The following ABCC8 variants were observed in gnomAD, a reference collection of about 807,000 sequenced individuals.
ABCC8 encodes the protein ATP binding cassette subfamily C member 8.
A neutral mutation model predicts 188.0 loss-of-function variants in ABCC8; 137 were observed. The ratio of observed to expected loss-of-function variants is 0.73; its 90% confidence interval spans 0.63 to 0.84. The LOEUF is 0.84. Ranked by LOEUF, ABCC8 falls within the 40% of genes least tolerant of loss-of-function variation. ABCC8 has a pLI of 0.00. For synonymous variants in ABCC8, 797 were observed against 846.5 expected (o/e 0.94, Z 1.01); for missense variants, 1,750 against 2,072.7 (o/e 0.84, Z 3.02).
At chr11:17,398,613 T>G in intron 29 of ABCC8, 172 bp from the exon 30 acceptor site, 1 of 1,326,314 alleles carries the variant, frequency 7.5e-7, no homozygotes, top group South Asian at 1.3e-5. Context: ...TCCTTTCTGC[T>G]TATTCAAACC....
intron 12 of ABCC8, 40 bp downstream of exon 12, chr11:17,430,774 A>T: frequency 6.2e-7 from 1 of 1,600,820 alleles, no homozygotes; most frequent in Non-Finnish European, 8.6e-7. Context: ...CTGACACAGG[A>T]CCTGCCTGCC....
chr11:17,454,664 C>T (rs756312440), intron 6 of ABCC8, among the ~76,000 whole-genome samples: 1 of 152,112 alleles, frequency 6.6e-6, no homozygotes, highest in East Asian at 1.9e-4. Flanking sequence ...AAACTCTATC[C>T]TCACAATACC....
At chr11:17,461,381 C>A in intron 5 of ABCC8, 1 of 674,228 alleles carries the variant, frequency 1.5e-6, no homozygotes, top group Non-Finnish European at 2.6e-6. Flanking sequence ...AAGGGCCATT[C>A]CAACTGTGCC....
At chr11:17,394,225 C>G (rs1564871556) in intron 37 of ABCC8, 41 bp downstream of exon 37, 1 of 1,606,586 alleles carries the variant, frequency 6.2e-7, no homozygotes, top group East Asian at 2.2e-5. Context: ...CCACTAAACC[C>G]TTTCCAAGAC....
In ABCC8 at chr11:17,394,326, G is replaced by C; in HGVS notation, c.4485C>G (p.Phe1495Leu). 1.9e-6 allele frequency: 3 copies of C among 1,614,042 alleles called. No individual in the cohort carries two copies. The highest frequency in any genetic ancestry group is 2.5e-6 in the Non-Finnish European group (3 of 1,180,042). The change falls in exon 37 of 39, where the codon TTC becomes TTG. Residue 1495 changes from phenylalanine (F) to leucine (L), a missense_variant. Transcript: ENST00000389817. ...QRQLFCLARA[F>L]VRKTSIFIMD... is the part of the protein sequence containing the mutation. ...TGATGAAGATGCTGGTCTTCCTCAC[G>C]AAGGCCCGGGCCAGGCAGAACAGCT...
chr11:17,399,716 G>A (rs551613685), intron 29 of ABCC8, among the ~76,000 whole-genome samples: 1 of 152,288 alleles, frequency 6.6e-6, no homozygotes, highest in Non-Finnish European at 1.5e-5. Context: ...CCATGAAGAT[G>A]TTTTATTCAC....
rs552031113 is a variant in ABCC8 at position 17,463,286 on chromosome 11, G to A, written c.579+152C>T. 1.5e-3 allele frequency: 1,005 copies of A among 674,178 alleles called. 3 individuals are homozygous for A. Among genetic ancestry groups the A allele is most frequent in the Middle Eastern group, 3.7e-3 (9 of 2,416 alleles). 41.8% of individuals were successfully genotyped at this position (674,178 alleles called of 1,614,324 possible). ...ATGCAGTGTCTATCCTGAAATTTCC[G>A]CCACGGCCCCACTCCCCTTTACACG... is the stretch of plus-strand genomic sequence containing the variant. On this transcript the variant is annotated intron_variant, in intron 4 of 38. Coordinates refer to ENST00000389817, the MANE Select transcript of ABCC8 (RefSeq NM_000352.6).
Position 17,397,014 on chromosome 11 carries a change from G to A in ABCC8, c.4021C>T (p.Gln1341Ter), listed in dbSNP as rs1057516718. 6.2e-7 allele frequency: 1 copy of A among 1,614,210 alleles called. No homozygotes were observed. The highest frequency in any genetic ancestry group is 8.5e-7 in the Non-Finnish European group (1 of 1,180,020). ...PSLIPKNWPD[Q>*]GKIQIQNLSV... ...AGGTTCTGGATCTGGATCTTCCCTT[G>A]GTCTGGCCAGTTCTTTGGGATCAGC... The change falls in exon 33 of 39, where the codon CAA becomes TAA. Residue 1341 changes from glutamine (Q) to a stop codon, truncating the protein, a stop_gained. Coordinates refer to ENST00000389817, the MANE Select transcript of ABCC8 (RefSeq NM_000352.6). LOFTEE classifies it high-confidence loss of function.
At chr11:17,425,563 G>A (rs186616542) in intron 16 of ABCC8, among the ~76,000 whole-genome samples, 68 of 152,262 alleles carry the variant, frequency 4.5e-4, no homozygotes, top group Non-Finnish European at 7.8e-4. Context: ...CTACCAGAGG[G>A]CACAGAGCCA....
intron 10 of ABCC8, among the ~76,000 whole-genome samples, chr11:17,441,898 G>A (rs544641303): frequency 1.3e-5 from 2 of 152,200 alleles, no homozygotes; most frequent in Admixed American, 6.5e-5. Context: ...TGGCCAATAT[G>A]GTGAAACTCT....
chr11:17,397,663 C>T lies in ABCC8; in HGVS notation c.3867+21G>A, dbSNP rs1322489663. 3.7e-6 allele frequency: 6 copies of T among 1,608,540 alleles called. No homozygotes were observed. The Admixed American group carries it at 6.7e-5, about 18-fold the overall frequency. ...GTGCTGGTGTCTGACCCCTCCTCTG[C>T]CCTAGCCCACTGCCGCTCACCATTA... On this transcript the variant is annotated intron_variant, in intron 31 of 38. Coordinates refer to ENST00000389817, the MANE Select transcript of ABCC8 (RefSeq NM_000352.6).
At chr11:17,472,961 C>T (rs1407393109) in intron 2 of ABCC8, among the ~76,000 whole-genome samples, 3 of 152,284 alleles carry the variant, frequency 2.0e-5, no homozygotes, top group Non-Finnish European at 4.4e-5. Context: ...CAGCCAACAC[C>T]CTGCCCAGGG....
In ABCC8 at chr11:17,413,453, A is replaced by T; in HGVS notation, c.2416T>A (p.Ser806Thr). The change falls in exon 20 of 39, where the codon TCT becomes ACT. Residue 806 changes from serine (S) to threonine (T), a missense_variant. Transcript: ENST00000389817. The part of the protein sequence containing the change: ...QRYKMVIEAC[S>T]LQPDIDILPH... Reference sequence around the variant, plus strand: ...AGGATGTCGATGTCTGGCTGCAGAGAGCAGGCTTCAATGACCATCTTGTAC... The same window carrying T: ...AGGATGTCGATGTCTGGCTGCAGAGTGCAGGCTTCAATGACCATCTTGTAC... 1 of 1,614,082 alleles carries T rather than the reference A, an allele frequency of 6.2e-7. No homozygotes were observed. Among genetic ancestry groups the T allele is most frequent in the Non-Finnish European group, 8.5e-7 (1 of 1,180,028 alleles).
At chr11:17,473,419 G>A (rs1016758190) in intron 2 of ABCC8, among the ~76,000 whole-genome samples, 1 of 152,172 alleles carries the variant, frequency 6.6e-6, no homozygotes, top group South Asian at 2.1e-4. Flanking sequence ...CCAGGATGCA[G>A]GGACATTGGG....
chr11:17,448,370 T>A (rs948515372), intron 8 of ABCC8, 146 bp downstream of exon 8: 9 of 739,436 alleles, frequency 1.2e-5, no homozygotes, highest in Middle Eastern at 3.7e-4. Context: ...GACCCAGAGG[T>A]ACAGCCTGTG....
At chr11:17,455,957 A>AAAG (rs1564967900) in intron 6 of ABCC8, among the ~76,000 whole-genome samples, 8 of 151,028 alleles carry the variant, frequency 5.3e-5, no homozygotes, top group African/African-American at 2.0e-4. Context: ...AAAAAAAAAA[A>AAAG]AAGAAGTGGG....
At chr11:17,463,275 C>T (rs1847936362) in intron 4 of ABCC8, among the ~76,000 whole-genome samples, 163 bp downstream of exon 4, 1 of 152,172 alleles carries the variant, frequency 6.6e-6, no homozygotes. Context: ...AGTGTCTATC[C>T]TGAAATTTCC....
intron 16 of ABCC8, 138 bp from the exon 17 acceptor site, chr11:17,417,100 G>A (rs775921769): frequency 1.9e-6 from 3 of 1,545,352 alleles, no homozygotes; most frequent in Non-Finnish European, 1.8e-6. Context: ...AATGGCCTCT[G>A]TGGGGTCAGA....
chr11:17,464,454 G>A (rs1283454384), intron 3 of ABCC8, among the ~76,000 whole-genome samples: 1 of 152,226 alleles, frequency 6.6e-6, no homozygotes, highest in Non-Finnish European at 1.5e-5. Context: ...ATAGCTGTGT[G>A]ACCTTGGATT....
Sources: gnomAD v4.1 joint callset for allele counts (sites outside exome capture counted in the v4.1 genomes callset) on GRCh38, gnomAD v4.1.1 for gene constraint, MANE v1.5 for transcripts, NCBI Gene and HGNC (gene_info 2026-07-23, HGNC 2026-07-21) for gene names.